The following KCNMB4 variants were observed in gnomAD, a reference collection of about 807,000 sequenced individuals.
The protein encoded by KCNMB4 is potassium calcium-activated channel subfamily M regulatory beta subunit 4, also known as calcium-activated potassium channel subunit beta-4.
Under a neutral mutation model 20.7 loss-of-function variants are expected in KCNMB4, and 3 were observed. That is an observed-to-expected ratio of 0.14 (90% CI 0.07 to 0.37). KCNMB4 has a LOEUF of 0.37. KCNMB4 is among the 10% of genes least tolerant of loss of function. KCNMB4 has a pLI of 1.00. For synonymous variants in KCNMB4, 110 were observed against 113.4 expected (o/e 0.97, Z 0.19); for missense variants, 168 against 265.9 (o/e 0.63, Z 2.56).
At chr12:70,370,307 G>GGT (rs1555210487) in intron 1 of KCNMB4, among the ~76,000 whole-genome samples, 4 of 149,552 alleles carry the variant, frequency 2.7e-5, no homozygotes, top group Non-Finnish European at 5.9e-5. Flanking sequence ...GTTTTTTTTT[G>GGT]TTTTTTTGTT....
At position 70,433,514 on chromosome 12, in the gene KCNMB4, AT is replaced by A; in HGVS notation, c.*2863del. On this transcript the variant is annotated 3_prime_UTR_variant, in exon 3 of 3. Coordinates refer to ENST00000258111, the MANE Select transcript of KCNMB4 (RefSeq NM_014505.6). ...CAGCCATCACTTCTGCCCACCGTCCATTCATGAATACTTACTATATAGCTAT... is the reference window on the plus strand; with the variant it reads ...CAGCCATCACTTCTGCCCACCGTCCATCATGAATACTTACTATATAGCTAT... The A allele has an allele frequency of 6.6e-6, 1 of 152,256 alleles. No individual in the cohort carries two copies. Among genetic ancestry groups the A allele is most frequent in the Non-Finnish European group, 1.5e-5 (1 of 68,056 alleles). 9.4% of individuals were successfully genotyped at this position (152,256 alleles called of 1,614,324 possible).
At chr12:70,425,662 T>C (rs984573052) in intron 2 of KCNMB4, among the ~76,000 whole-genome samples, 1 of 152,198 alleles carries the variant, frequency 6.6e-6, no homozygotes, top group African/African-American at 2.4e-5. Context: ...AAAGATCACA[T>C]GTCAGGTCTT....
intron 1 of KCNMB4, among the ~76,000 whole-genome samples, chr12:70,373,614 AGTTTGT>A (rs1296700986): frequency 6.6e-6 from 1 of 152,222 alleles, no homozygotes; most frequent in Non-Finnish European, 1.5e-5. Flanking sequence ...TAAGCCACTA[AGTTTGT>A]GTTACAGCAG....
chr12:70,390,698 A>G (rs1868292287), intron 1 of KCNMB4, among the ~76,000 whole-genome samples: 2 of 152,202 alleles, frequency 1.3e-5, no homozygotes, highest in African/African-American at 4.8e-5. Flanking sequence ...CAGAGAAGCA[A>G]TCCCAAATGT....
intron 1 of KCNMB4, among the ~76,000 whole-genome samples, chr12:70,373,546 T>A (rs1424197750): frequency 6.6e-6 from 1 of 152,222 alleles, no homozygotes; most frequent in Non-Finnish European, 1.5e-5. Flanking sequence ...TTTAGCCCAG[T>A]GAGACACATT....
At chr12:70,426,461 T>C (rs1734642657) in intron 2 of KCNMB4, among the ~76,000 whole-genome samples, 1 of 152,186 alleles carries the variant, frequency 6.6e-6, no homozygotes, top group Non-Finnish European at 1.5e-5. Context: ...ATCTCAGAGC[T>C]TCTCCAAAAT....
intron 1 of KCNMB4, among the ~76,000 whole-genome samples, chr12:70,381,639 T>TTTCC (rs1883788397): frequency 6.6e-6 from 1 of 151,960 alleles, no homozygotes; most frequent in Admixed American, 6.6e-5. Flanking sequence ...GTTATATGAG[T>TTTCC]CCATTTACAG....
chr12:70,378,592 A>G (rs1883728996), intron 1 of KCNMB4, among the ~76,000 whole-genome samples: 2 of 152,108 alleles, frequency 1.3e-5, no homozygotes, highest in Admixed American at 1.3e-4. Context: ...GCTCGAGTAC[A>G]ATGGTGTGGT....
intron 1 of KCNMB4, among the ~76,000 whole-genome samples, chr12:70,383,339 C>T (rs928515428): frequency 6.6e-6 from 1 of 152,072 alleles, no homozygotes; most frequent in African/African-American, 2.4e-5. Flanking sequence ...GTTGAGATAC[C>T]TTTTCTGCCT....
intron 2 of KCNMB4, among the ~76,000 whole-genome samples, chr12:70,416,954 G>T (rs1868928300): frequency 2.0e-5 from 3 of 152,280 alleles, no homozygotes; most frequent in African/African-American, 7.2e-5. Context: ...CTAGAATGAT[G>T]ATATTATAAC....
At chr12:70,378,438 G>T (rs1883726091) in intron 1 of KCNMB4, among the ~76,000 whole-genome samples, 1 of 152,170 alleles carries the variant, frequency 6.6e-6, no homozygotes, top group Non-Finnish European at 1.5e-5. Flanking sequence ...GCATCAAATT[G>T]TTGAATCCCT....
At chr12:70,389,213 C>T (rs1186555089) in intron 1 of KCNMB4, among the ~76,000 whole-genome samples, 1 of 152,108 alleles carries the variant, frequency 6.6e-6, no homozygotes, top group Non-Finnish European at 1.5e-5. Flanking sequence ...ACTTCTATAA[C>T]TTATTTTCCT....
chr12:70,431,634 A>C lies in KCNMB4; in HGVS notation c.*981A>C, dbSNP rs182869311. On this transcript the variant is annotated 3_prime_UTR_variant, in exon 3 of 3. Transcript: ENST00000258111. ...ATTGCTGCCATTGTGCAGTTTGCTT[A>C]GACAAACCTGGAGATGCAACCCAGC... is the stretch of plus-strand genomic sequence containing the variant. 3.3e-5 allele frequency: 5 copies of C among 151,446 alleles called. No homozygotes were observed. The highest frequency in any genetic ancestry group is 1.2e-4 in the African/African-American group (5 of 41,232). 9.4% of individuals were successfully genotyped at this position (151,446 alleles called of 1,614,324 possible). A position where few individuals can be genotyped will look rare whatever the true frequency, so the allele number is the denominator to read the frequency against.
At chr12:70,413,309 A>G (rs974784581) in intron 2 of KCNMB4, among the ~76,000 whole-genome samples, 1 of 152,170 alleles carries the variant, frequency 6.6e-6, no homozygotes, top group African/African-American at 2.4e-5. Context: ...CATTAAAGTT[A>G]AGAATTTGAT....
At chr12:70,430,354 T>A (rs1869330168) in intron 2 of KCNMB4, 131 bp from the exon 3 acceptor site, 1 of 935,762 alleles carries the variant, frequency 1.1e-6, no homozygotes, top group East Asian at 2.5e-5. Context: ...AAATACAGTG[T>A]TTATAGTCAG....
Position 70,430,551 on chromosome 12 carries a change from C to T in KCNMB4, c.531C>T (p.Pro177=). The stretch of plus-strand genomic sequence containing the variant: ...TCCTCCTGCATTGCTTCCTCTGGCC[C>T]CTGGTGACATTTGTGGTGGGCGTTC... ...EIVLLHCFLW[P]LVTFVVGVLI... Residue 177 remains proline, a synonymous_variant, in exon 3 of 3, where the codon CCC becomes CCT. Transcript: ENST00000258111. 3 of 1,613,994 alleles carry T rather than the reference C, an allele frequency of 1.9e-6. No individual in the cohort carries two copies. The highest frequency in any genetic ancestry group is 2.5e-6 in the Non-Finnish European group (3 of 1,179,974).
At chr12:70,418,785 T>A (rs1230305800) in intron 2 of KCNMB4, among the ~76,000 whole-genome samples, 1 of 152,136 alleles carries the variant, frequency 6.6e-6, no homozygotes. Flanking sequence ...ACCCACCTCA[T>A]TTCCTTGAGA....
intron 2 of KCNMB4, among the ~76,000 whole-genome samples, chr12:70,416,673 C>A (rs1185769634): frequency 6.6e-6 from 1 of 152,136 alleles, no homozygotes; most frequent in Non-Finnish European, 1.5e-5. Flanking sequence ...AAAGGCATTT[C>A]AAGATGTTTA....
At chr12:70,425,558 G>T (rs1204922934) in intron 2 of KCNMB4, among the ~76,000 whole-genome samples, 3 of 152,132 alleles carry the variant, frequency 2.0e-5, no homozygotes, top group African/African-American at 7.2e-5. Flanking sequence ...TTCACTTGTG[G>T]CATCTCATTT....
Sources: gnomAD v4.1 joint callset for allele counts (sites outside exome capture counted in the v4.1 genomes callset) on GRCh38, gnomAD v4.1.1 for gene constraint, MANE v1.5 for transcripts, NCBI Gene and HGNC (gene_info 2026-07-23, HGNC 2026-07-21) for gene names.